Variants in HECW1 observed in about 807,000 individuals in gnomAD.
The protein encoded by HECW1 is E3 ubiquitin-protein ligase HECW1.
In HECW1, 61 loss-of-function variants were observed where a neutral mutation model predicts 182.3. The ratio of observed to expected loss-of-function variants is 0.33; its 90% CI spans 0.27 to 0.41. The LOEUF (loss-of-function observed/expected upper bound fraction) is 0.41. Ranked by LOEUF, HECW1 falls within the 10% of genes least tolerant of loss-of-function variation. HECW1 has a pLI of 1.00. For synonymous variants in HECW1, 859 were observed against 832.6 expected (o/e 1.03, Z -0.55); for missense variants, 1,739 against 2,108.9 (o/e 0.82, Z 3.44).
At chr7:43,272,217 C>A (rs1012320000) in intron 3 of HECW1, among the ~76,000 whole-genome samples, 1 of 151,982 alleles carries the variant, frequency 6.6e-6, no homozygotes, top group Non-Finnish European at 1.5e-5. Flanking sequence ...GATTTAAATT[C>A]TCAAACTATA....
intron 2 of HECW1, among the ~76,000 whole-genome samples, chr7:43,180,203 G>T (rs1441014711): frequency 2.9e-5 from 3 of 102,074 alleles, no homozygotes; most frequent in Non-Finnish European, 5.9e-5. Flanking sequence ...GAGCCTGCTG[G>T]TAATGAATGT....
At chr7:43,320,202 G>A (rs1410060161) in intron 4 of HECW1, among the ~76,000 whole-genome samples, 1 of 152,196 alleles carries the variant, frequency 6.6e-6, no homozygotes, top group Non-Finnish European at 1.5e-5. Context: ...ATTCGAAGTG[G>A]AGTCCGTGAG....
chr7:43,434,164 T>A (rs1259113611), intron 8 of HECW1, among the ~76,000 whole-genome samples: 2 of 152,246 alleles, frequency 1.3e-5, no homozygotes, highest in African/African-American at 2.4e-5. Flanking sequence ...TTTGTCTGCA[T>A]ACTAAGCATT....
chr7:43,541,920 T>G lies in HECW1; in HGVS notation c.4170T>G (p.Ser1390Arg). 6.4e-7 allele frequency: 1 copy of G among 1,559,228 alleles called. No individual in the cohort carries two copies. Among genetic ancestry groups the G allele is most frequent in the Non-Finnish European group, 8.7e-7 (1 of 1,152,538 alleles). The change falls in exon 26 of 30, where the codon AGT becomes AGG. Residue 1390 changes from serine (S) to arginine (R), a missense_variant. Ser to Arg is a moderately radical substitution (Grantham distance 110, BLOSUM62 -1). Transcript: ENST00000395891. ...LEYLDEEFHQ[S>R]LQWMKDNNIT... ...ATTTGGATGAGGAATTCCACCAGAGTTTGCAGTGGATGAAGGACAACAACA... is the reference window on the plus strand; with the variant it reads ...ATTTGGATGAGGAATTCCACCAGAGGTTGCAGTGGATGAAGGACAACAACA...
intron 17 of HECW1, among the ~76,000 whole-genome samples, chr7:43,490,081 A>G (rs2078871348): frequency 6.6e-6 from 1 of 152,174 alleles, no homozygotes; most frequent in African/African-American, 2.4e-5. Context: ...ATGCCTTCAT[A>G]CTTTTGAGTC....
chr7:43,129,914 G>T (rs1291647986), intron 2 of HECW1, among the ~76,000 whole-genome samples: 1 of 152,168 alleles, frequency 6.6e-6, no homozygotes, highest in Admixed American at 6.5e-5. Flanking sequence ...GTAAATAGGG[G>T]TTATATTGTT....
At chr7:43,455,640 A>G (rs533016281) in intron 12 of HECW1, among the ~76,000 whole-genome samples, 1 of 152,352 alleles carries the variant, frequency 6.6e-6, no homozygotes, top group Admixed American at 6.5e-5. Context: ...AAAGAAATAA[A>G]TTCATTAAAC....
chr7:43,423,967 C>T (rs1015398355), intron 8 of HECW1, among the ~76,000 whole-genome samples: 1 of 152,182 alleles, frequency 6.6e-6, no homozygotes, highest in Admixed American at 6.5e-5. Context: ...AAACCAGGTA[C>T]AGACAGAGCC....
chr7:43,316,667 A>G (rs1809294392), intron 4 of HECW1, among the ~76,000 whole-genome samples: 1 of 151,558 alleles, frequency 6.6e-6, no homozygotes, highest in African/African-American at 2.4e-5. Flanking sequence ...GCAGAAAATA[A>G]CAGCCTCCTG....
At chr7:43,548,986 G>T (rs2081681216) in intron 26 of HECW1, among the ~76,000 whole-genome samples, 1 of 152,112 alleles carries the variant, frequency 6.6e-6, no homozygotes, top group Admixed American at 6.6e-5. Flanking sequence ...AATCCTCAGG[G>T]ATCAAGCTCC....
Position 43,466,584 on chromosome 7 carries a change from T to C in HECW1, c.2913+16T>C. 1 of 1,611,212 alleles carries C rather than the reference T, an allele frequency of 6.2e-7. No homozygotes were observed. Among genetic ancestry groups the C allele is most frequent in the Non-Finnish European group, 8.5e-7 (1 of 1,179,262 alleles). ...TGCCAATTATGTGAGTGCCCTAAAATGCAGAGGGGGCGGCCTGGCTCGGCA... is the reference window on the plus strand; with the variant it reads ...TGCCAATTATGTGAGTGCCCTAAAACGCAGAGGGGGCGGCCTGGCTCGGCA... On this transcript the variant is annotated intron_variant, in intron 15 of 29. Coordinates refer to ENST00000395891, the MANE Select transcript of HECW1 (RefSeq NM_015052.5).
chr7:43,405,304 C>T (rs1235966489), intron 7 of HECW1, among the ~76,000 whole-genome samples: 1 of 151,984 alleles, frequency 6.6e-6, no homozygotes, highest in Non-Finnish European at 1.5e-5. Flanking sequence ...CCAAGATCAC[C>T]CCTAGGTTCA....
At chr7:43,475,814 T>A (rs1049039408) in intron 16 of HECW1, among the ~76,000 whole-genome samples, 1 of 152,202 alleles carries the variant, frequency 6.6e-6, no homozygotes, top group Non-Finnish European at 1.5e-5. Flanking sequence ...CCACCTACTT[T>A]GGCCTCCCAA....
intron 2 of HECW1, among the ~76,000 whole-genome samples, chr7:43,170,411 A>G (rs1338956547): frequency 6.6e-6 from 1 of 152,124 alleles, no homozygotes; most frequent in East Asian, 1.9e-4. Context: ...CGTGGTCCCA[A>G]AAAGGTTGGA....
chr7:43,560,029 C>T (rs574219755), intron 29 of HECW1, among the ~76,000 whole-genome samples: 5 of 152,148 alleles, frequency 3.3e-5, no homozygotes. Flanking sequence ...AATATTTCCA[C>T]TCATGAGTGC....
intron 6 of HECW1, among the ~76,000 whole-genome samples, chr7:43,392,820 AG>A (rs1194639273): frequency 6.6e-6 from 1 of 152,174 alleles, no homozygotes; most frequent in African/African-American, 2.4e-5. Flanking sequence ...CTGTCAACTG[AG>A]CTATAGTCTC....
intron 3 of HECW1, among the ~76,000 whole-genome samples, chr7:43,268,275 C>A (rs886593668): frequency 8.5e-5 from 13 of 152,178 alleles, no homozygotes; most frequent in Non-Finnish European, 1.6e-4. Context: ...AGGAGACTCG[C>A]AGTGTTCTGT....
At chr7:43,287,721 G>A (rs68143123) in intron 3 of HECW1, among the ~76,000 whole-genome samples, 21,245 of 152,186 alleles carry the variant, frequency 0.14, 1,870 homozygotes, top group East Asian at 0.26. Context: ...TGATAGACCA[G>A]GTAAGAGATA....
intron 14 of HECW1, among the ~76,000 whole-genome samples, chr7:43,466,065 A>G (rs1297405844): frequency 2.1e-5 from 3 of 143,012 alleles, no homozygotes; most frequent in African/African-American, 7.8e-5. Context: ...GAGGGAGGGA[A>G]GGAAGGAAGG....
Sources: allele counts gnomAD v4.1 joint callset (sites outside exome capture counted in the v4.1 genomes callset), GRCh38; gene constraint gnomAD v4.1.1; transcripts MANE v1.5; gene names NCBI Gene and HGNC (gene_info 2026-07-23, HGNC 2026-07-21).